Variants in SEC63 observed in about 807,000 individuals in gnomAD.
The protein encoded by SEC63 is translocation protein SEC63 homolog.
A neutral mutation model predicts 116.2 loss-of-function variants in SEC63; 56 were observed. The ratio of observed to expected loss-of-function variants is 0.48; its 90% CI spans 0.39 to 0.60. The LOEUF is 0.60. Ranked by LOEUF, SEC63 falls within the 20% of genes least tolerant of loss-of-function variation. The pLI, the probability that SEC63 is intolerant of heterozygous loss-of-function variation, is 0.00. For synonymous variants in SEC63, 273 were observed against 294.6 expected (o/e 0.93, Z 0.75); for missense variants, 668 against 900.0 (o/e 0.74, Z 3.30).
At chr6:107,944,036 G>A (rs1770429841) in intron 1 of SEC63, among the ~76,000 whole-genome samples, 1 of 152,166 alleles carries the variant, frequency 6.6e-6, no homozygotes, top group African/African-American at 2.4e-5. Context: ...CAGTGGTGTT[G>A]GTGGAGTGAT....
intron 16 of SEC63, among the ~76,000 whole-genome samples, chr6:107,886,319 T>TA (rs2114413051): frequency 6.6e-6 from 1 of 152,370 alleles, no homozygotes; most frequent in African/African-American, 2.4e-5. Context: ...GCAATAAACA[T>TA]ACATCTGTAT....
chr6:107,929,156 G>A (rs928564394), intron 2 of SEC63, among the ~76,000 whole-genome samples: 1 of 151,818 alleles, frequency 6.6e-6, no homozygotes, highest in Admixed American at 6.6e-5. Context: ...TTCAAATCTT[G>A]GCACAAGGTG....
chr6:107,890,855 TG>T (rs1786664272), intron 16 of SEC63, among the ~76,000 whole-genome samples: 4 of 152,238 alleles, frequency 2.6e-5, no homozygotes, highest in Admixed American at 2.6e-4. Context: ...TATTAAATTC[TG>T]GGTTGAAAAT....
rs1463595983 is a variant in SEC63, at chr6:107,893,577, T to C, written c.1579A>G (p.Lys527Glu). The C allele has an allele frequency of 1.3e-6, 2 of 1,596,340 alleles. No homozygotes were observed. Among genetic ancestry groups the C allele is most frequent in the South Asian group, 2.3e-5 (2 of 85,652 alleles). ...TTTTTTTTTAAAGGTTTCTTTTTTTTTGATTTAGCAGTTTTCTTGGGTCCT... is the reference window on the plus strand; with the variant it reads ...TTTTTTTTTAAAGGTTTCTTTTTTTCTGATTTAGCAGTTTTCTTGGGTCCT... ...SKGPKKTAKSKKKKPLKKKPT... is the reference protein window; with the variant it reads ...SKGPKKTAKSEKKKPLKKKPT... The change falls in exon 16 of 21, where the codon AAA becomes GAA. Residue 527 changes from lysine to glutamate, a missense_variant. Lys to Glu is a moderately conservative substitution (Grantham distance 56, BLOSUM62 1). Transcript: ENST00000369002.
chr6:107,957,980 G>A lies in SEC63; in HGVS notation c.30C>T (p.Asp10=). 1 of 1,613,484 alleles carries A rather than the reference G, an allele frequency of 6.2e-7. No individual in the cohort carries two copies. Among genetic ancestry groups the A allele is most frequent in the Non-Finnish European group, 8.5e-7 (1 of 1,179,604 alleles). The part of the protein sequence containing the change: MAGQQFQYD[D]SGNTFFYFLT... ...GGAAGTAGAAGAAGGTGTTCCCACT[G>A]TCATCGTACTGGAACTGCTGCCCGG... Residue 10 remains aspartate (D), a synonymous_variant, in exon 1 of 21, where the codon GAC becomes GAT. Coordinates refer to ENST00000369002, the MANE Select transcript of SEC63 (RefSeq NM_007214.5).
At chr6:107,907,031 A>T (rs936350258) in intron 8 of SEC63, among the ~76,000 whole-genome samples, 2 of 152,316 alleles carry the variant, frequency 1.3e-5, no homozygotes, top group African/African-American at 4.8e-5. Context: ...AAGCAACTGG[A>T]GGCATTAAAA....
rs73499127 is a variant in SEC63 at position 107,884,407 on chromosome 6, C to G, written c.1675-1261G>C. Among the ~76,000 whole-genome samples, 4 of 151,704 alleles carry G rather than the reference C, an allele frequency of 2.6e-5. No homozygotes were observed. In the East Asian group the frequency reaches 5.8e-4, roughly 22 times the overall value. On this transcript the variant is annotated intron_variant, in intron 16 of 20. Coordinates refer to ENST00000369002, the MANE Select transcript of SEC63 (RefSeq NM_007214.5). ...AATTACCAATATTAGGAACAAGAGGCGTAACTATATCCAACAGACATTAAA... is the reference window on the plus strand; with the variant it reads ...AATTACCAATATTAGGAACAAGAGGGGTAACTATATCCAACAGACATTAAA...
chr6:107,916,686 A>AT (rs1348426625), intron 4 of SEC63, among the ~76,000 whole-genome samples: 1 of 152,196 alleles, frequency 6.6e-6, no homozygotes, highest in Non-Finnish European at 1.5e-5. Flanking sequence ...GTCTCACAAT[A>AT]TATCTAATGT....
chr6:107,910,792 A>T lies in SEC63; in HGVS notation c.624+554T>A, dbSNP rs149969081. Among the ~76,000 whole-genome samples, 627 of 152,228 alleles carry T rather than the reference A, an allele frequency of 4.1e-3. 3 individuals are homozygous for T. Among genetic ancestry groups the T allele is most frequent in the African/African-American group, 0.014 (588 of 41,540 alleles). ...TGATTTTTGTTTTTTTCTTTGAGACAGAGTCTCGCTCTGTCACCCAGGCTG... is the reference window on the plus strand; with the variant it reads ...TGATTTTTGTTTTTTTCTTTGAGACTGAGTCTCGCTCTGTCACCCAGGCTG... On this transcript the variant is annotated intron_variant, in intron 7 of 20. Transcript: ENST00000369002.
At chr6:107,957,764 G>C (rs1018050933) in intron 1 of SEC63, 122 bp downstream of exon 1, 5 of 1,099,402 alleles carry the variant, frequency 4.5e-6, no homozygotes, top group Non-Finnish European at 5.9e-6. Flanking sequence ...GACACAGGCC[G>C]GGCCGCACCG....
At chr6:107,892,190 G>A (rs1405015337) in intron 16 of SEC63, among the ~76,000 whole-genome samples, 1 of 152,028 alleles carries the variant, frequency 6.6e-6, no homozygotes, top group Non-Finnish European at 1.5e-5. Flanking sequence ...AGGGAGGTGG[G>A]GTTTTATCTA....
Position 107,957,841 on chromosome 6 carries a change from G to C in SEC63, c.124+45C>G, listed in dbSNP as rs377359690. On this transcript the variant is annotated intron_variant, in intron 1 of 20. Transcript: ENST00000369002. ...GGGCGCCGCAGGGCCTGGGGGCGCT[G>C]GCGGGGCCTGCGCGGGTTCGCGGGC... The C allele has an allele frequency of 5.1e-6, 8 of 1,566,486 alleles. No homozygotes were observed. In the South Asian group the frequency reaches 9.2e-5, roughly 18 times the overall value.
rs675117 is a variant in SEC63 at position 107,912,725 on chromosome 6, G to A, written c.564C>T (p.Asn188=). ...ATTTAAATGCACTCACCAGAATTGA[G>A]TTTTTCTGGTCAACTATCCAAGCTG... is the stretch of plus-strand genomic sequence containing the variant. ...ALPAWIVDQK[N]SILVLLVYGL... is the part of the protein sequence containing the mutation. Residue 188 remains asparagine, a synonymous_variant, in exon 6 of 21, where the codon AAC becomes AAT. Coordinates refer to ENST00000369002, the MANE Select transcript of SEC63 (RefSeq NM_007214.5). 1,376,255 of 1,605,432 alleles carry A rather than the reference G, an allele frequency of 0.86. 591,623 individuals are homozygous for A. The highest frequency in any genetic ancestry group is 0.91 in the African/African-American group (67,800 of 74,880).
Position 107,901,496 on chromosome 6 carries a change from C to A in SEC63, c.1231G>T (p.Asp411Tyr), listed in dbSNP as rs1311478978. The A allele has an allele frequency of 6.3e-7, 1 of 1,595,896 alleles. No individual in the cohort carries two copies. The highest frequency in any genetic ancestry group is 1.3e-5 in the African/African-American group (1 of 74,300). The change falls in exon 13 of 21, where the codon GAT becomes TAT. Residue 411 changes from aspartate to tyrosine, a missense_variant. This residue lies in a region of SEC63 where 430 missense variants were observed against 557.5 expected (regional missense o/e 0.77). Coordinates refer to ENST00000369002, the MANE Select transcript of SEC63 (RefSeq NM_007214.5). Reference sequence around the variant, plus strand: ...TCTGATTCTTTTAAACTCACCAAATCCTGGATAGTTTTAATTTTATACTGA... The same window carrying A: ...TCTGATTCTTTTAAACTCACCAAATACTGGATAGTTTTAATTTTATACTGA... ...HKKYKIKTIQ[D>Y]LVSLKESDRH...
intron 1 of SEC63, among the ~76,000 whole-genome samples, chr6:107,937,995 T>C (rs1770293761): frequency 6.6e-6 from 1 of 152,150 alleles, no homozygotes; most frequent in South Asian, 2.1e-4. Context: ...GTTTACTCTG[T>C]TGATAGTTTC....
In SEC63 at chr6:107,870,780, T is replaced by G. The variant is rs1786113165; in HGVS notation, c.*924A>C. Reference sequence around the variant, plus strand: ...TGAAACATAAAACGAGTCAACAAACTTCTATTTTTATTGACAGGAGTCCAA... The same window carrying G: ...TGAAACATAAAACGAGTCAACAAACGTCTATTTTTATTGACAGGAGTCCAA... On this transcript the variant is annotated 3_prime_UTR_variant, in exon 21 of 21. Transcript: ENST00000369002. 6.6e-6 allele frequency: 1 copy of G among 152,194 alleles called. No individual in the cohort carries two copies. Among genetic ancestry groups the G allele is most frequent in the South Asian group, 2.1e-4 (1 of 4,832 alleles). 9.4% of individuals were successfully genotyped at this position (152,194 alleles called of 1,614,324 possible).
At chr6:107,902,556 G>A (rs1787030544) in intron 12 of SEC63, among the ~76,000 whole-genome samples, 1 of 151,532 alleles carries the variant, frequency 6.6e-6, no homozygotes, top group Non-Finnish European at 1.5e-5. Context: ...CTGTAAAGTA[G>A]ACAGTACATT....
intron 1 of SEC63, among the ~76,000 whole-genome samples, chr6:107,938,345 G>A (rs1770300833): frequency 1.4e-5 from 2 of 148,094 alleles, no homozygotes; most frequent in Non-Finnish European, 3.0e-5. Context: ...CAACCTTCCA[G>A]GCTCAAGGGA....
At chr6:107,901,587 T>C (rs1787005573) in intron 12 of SEC63, 70 bp from the exon 13 acceptor site, 1 of 1,149,608 alleles carries the variant, frequency 8.7e-7, no homozygotes, top group Non-Finnish European at 1.2e-6. Flanking sequence ...AGAAAATTAC[T>C]CACATGTTAA....
Sources: allele counts gnomAD v4.1 joint callset (sites outside exome capture counted in the v4.1 genomes callset), GRCh38; gene constraint gnomAD v4.1.1; regional missense constraint gnomAD v4.1.1; transcripts MANE v1.5; gene names NCBI Gene and HGNC (gene_info 2026-07-23, HGNC 2026-07-21).